The following CISD3 variants were observed in gnomAD, a reference collection of about 807,000 sequenced individuals.
The protein encoded by CISD3 is CDGSH iron sulfur domain 3.
Under a neutral mutation model 14.1 loss-of-function variants are expected in CISD3, and 11 were observed. The observed-to-expected ratio is 0.78, with a 90% CI of 0.49 to 1.29. The LOEUF is 1.29. CISD3 is among the 50% of genes most tolerant of loss of function. CISD3 has a pLI of 0.00. For synonymous variants in CISD3, 53 were observed against 69.2 expected, an observed-to-expected ratio of 0.77 and a Z score of 1.16; for missense variants, 156 against 171.6, an observed-to-expected ratio of 0.91 and a Z score of 0.51.
chr17:38,730,510 C>A, intron 1 of CISD3, 104 bp downstream of exon 1: 1 of 1,032,652 alleles, frequency 9.7e-7, no homozygotes, highest in Non-Finnish European at 1.4e-6. Flanking sequence ...GAGCTCCCGG[C>A]CCGTCCCGCC....
chr17:38,735,195 G>A lies in CISD3; in HGVS notation c.*1740G>A, dbSNP rs1359982196. The A allele has an allele frequency of 2.2e-6, 3 of 1,375,776 alleles. No individual in the cohort carries two copies. The highest frequency in any genetic ancestry group is 2.8e-6 in the Non-Finnish European group (3 of 1,054,194). 85.2% of individuals were successfully genotyped at this position (1,375,776 alleles called of 1,614,324 possible). A position where few individuals can be genotyped will look rare whatever the true frequency, so the allele number is the denominator to read the frequency against. ...AAAGTGGAAGGAGTGGAGAGGCTTG[G>A]CTGGAAGAAGGGAGAGGGTCCCTGG... On this transcript the variant is annotated 3_prime_UTR_variant, in exon 4 of 4. Transcript: ENST00000613478.
Position 38,735,496 on chromosome 17 carries a change from G to A in CISD3, c.*2041G>A, listed in dbSNP as rs746398641. 27 of 1,593,522 alleles carry A rather than the reference G, an allele frequency of 1.7e-5. No individual in the cohort carries two copies. The highest frequency in any genetic ancestry group is 6.8e-5 in the South Asian group (6 of 88,030). On this transcript the variant is annotated 3_prime_UTR_variant, in exon 4 of 4. Transcript: ENST00000613478. Reference sequence around the variant, plus strand: ...CCTTGTCGCTGACTGACTCACACTCGGACGCCCCGCTGGTGTTGGTGCCCT... The same window carrying A: ...CCTTGTCGCTGACTGACTCACACTCAGACGCCCCGCTGGTGTTGGTGCCCT...
chr17:38,730,420 C>A lies in CISD3; in HGVS notation c.48+14C>A. The A allele has an allele frequency of 7.7e-7, 1 of 1,290,678 alleles. No individual in the cohort carries two copies. Among genetic ancestry groups the A allele is most frequent in the Non-Finnish European group, 9.8e-7 (1 of 1,018,350 alleles). The allele number at this position is 1,290,678 out of a possible 1,614,324, so 80.0% of individuals were successfully genotyped here. The stretch of plus-strand genomic sequence containing the variant: ...CGTGGTGCCCGGGTGAGCACCCCCG[C>A]CCTGCACCAGCCCCCGTCCCGAACC... On this transcript the variant is annotated intron_variant, in intron 1 of 3. Transcript: ENST00000613478.
In CISD3 at chr17:38,733,375, G is replaced by A. The variant is rs1312281724; in HGVS notation, c.304G>A (p.Ala102Thr). ...TRMVALCTCK[A>T]TQRPPYCDGT... ...CATGGTGGCACTCTGTACCTGCAAG[G>A]CCACTCAGAGGCCCCCGTACTGCGA... Residue 102 changes from alanine to threonine, a missense_variant, in exon 4 of 4, where the codon GCC becomes ACC. Transcript: ENST00000613478. The A allele has an allele frequency of 6.4e-7, 1 of 1,551,684 alleles. No homozygotes were observed. Among genetic ancestry groups the A allele is most frequent in the Non-Finnish European group, 8.7e-7 (1 of 1,146,978 alleles).
Position 38,730,384 on chromosome 17 carries a change from G to C in CISD3, c.26G>C (p.Arg9Pro). 8.3e-7 allele frequency: 1 copy of C among 1,202,430 alleles called. No homozygotes were observed. Among genetic ancestry groups the C allele is most frequent in the Non-Finnish European group, 1.0e-6 (1 of 969,066 alleles). The allele number at this position is 1,202,430 out of a possible 1,614,324, so 74.5% of individuals were successfully genotyped here. MRGAGAILRPAARGARDLN... is the reference protein window; with the variant it reads MRGAGAILPPAARGARDLN... ...ATGCGCGGCGCGGGGGCGATCCTGCGGCCGGCGGCGCGTGGTGCCCGGGTG... is the reference window on the plus strand; with the variant it reads ...ATGCGCGGCGCGGGGGCGATCCTGCCGCCGGCGGCGCGTGGTGCCCGGGTG... The change falls in exon 1 of 4, where the codon CGG becomes CCG. Residue 9 changes from arginine to proline, a missense_variant. Physicochemically the swap from Arg to Pro is moderately radical, Grantham distance 103. Coordinates refer to ENST00000613478, the MANE Select transcript of CISD3 (RefSeq NM_001136498.2).
At position 38,732,675 on chromosome 17, in the gene CISD3, A is replaced by G. The variant is rs149946620; in HGVS notation, c.205-601A>G. On this transcript the variant is annotated intron_variant, in intron 3 of 3. Transcript: ENST00000613478. The stretch of plus-strand genomic sequence containing the variant: ...GGCACCAGCTCTGCCTTCAGCTAGC[A>G]AGGCATGTCACCTTTCTGGGCCTGT... 1.4e-3 allele frequency among the ~76,000 whole-genome samples: 209 copies of G among 152,124 alleles called. 1 individual carries two copies. Among genetic ancestry groups the G allele is most frequent in the South Asian group, 2.3e-3 (11 of 4,824 alleles).
At chr17:38,733,126 TAAGAG>T in intron 3 of CISD3, 145 bp from the exon 4 acceptor site, 1 of 657,830 alleles carries the variant, frequency 1.5e-6, no homozygotes, top group South Asian at 1.9e-5. Flanking sequence ...ACATTACAGA[TAAGAG>T]AGGTCACTCA....
At chr17:38,731,019 C>T in intron 2 of CISD3, 4 of 636,218 alleles carry the variant, frequency 6.3e-6, no homozygotes, top group Non-Finnish European at 1.1e-5. Flanking sequence ...GTGGGTGGCC[C>T]TGCCGTAGGC....
rs1393892357 is a variant in CISD3, at chr17:38,735,463, G to A, written c.*2008G>A. The stretch of plus-strand genomic sequence containing the variant: ...AGGAGGTGGCTGGCAGGGTGGCAGG[G>A]CTGGGAGCCTTGTCGCTGACTGACT... On this transcript the variant is annotated 3_prime_UTR_variant, in exon 4 of 4. Transcript: ENST00000613478. The A allele has an allele frequency of 1.3e-6, 2 of 1,589,998 alleles. No homozygotes were observed. Among genetic ancestry groups the A allele is most frequent in the Non-Finnish European group, 8.6e-7 (1 of 1,168,228 alleles).
rs1906518726 is a variant in CISD3, at chr17:38,734,519, A to C, written c.*1064A>C. 1 of 130,276 alleles carries C rather than the reference A, an allele frequency of 7.7e-6. No individual in the cohort carries two copies. The highest frequency in any genetic ancestry group is 3.0e-5 in the African/African-American group (1 of 32,886). 8.1% of individuals were successfully genotyped at this position (130,276 alleles called of 1,614,324 possible). On this transcript the variant is annotated 3_prime_UTR_variant, in exon 4 of 4. Coordinates refer to ENST00000613478, the MANE Select transcript of CISD3 (RefSeq NM_001136498.2). ...ACAAGATAAATGATGCAAAGGCCAC[A>C]CACACAGGAAAAAAAAAAAAAGAGG...
At position 38,735,241 on chromosome 17, in the gene CISD3, G is replaced by A. The variant is rs112908318; in HGVS notation, c.*1786G>A. 1.0e-4 allele frequency: 146 copies of A among 1,442,892 alleles called. 2 individuals carry two copies. The Middle Eastern group carries it at 3.3e-3, about 33-fold the overall frequency. The allele number at this position is 1,442,892 out of a possible 1,614,324, so 89.4% of individuals were successfully genotyped here. A position where few individuals can be genotyped will look rare whatever the true frequency, so the allele number is the denominator to read the frequency against. ...CCTGGCCTCAAGTTAAGGGGGGCAC[G>A]GGAGCGCCGTTGACAGTCATCTTGC... On this transcript the variant is annotated 3_prime_UTR_variant, in exon 4 of 4. Coordinates refer to ENST00000613478, the MANE Select transcript of CISD3 (RefSeq NM_001136498.2).
intron 3 of CISD3, among the ~76,000 whole-genome samples, chr17:38,732,106 G>A (rs1906359998): frequency 6.6e-6 from 1 of 152,130 alleles, no homozygotes; most frequent in Non-Finnish European, 1.5e-5. Context: ...CTTCTGCCCA[G>A]GAGCCTTTCG....
chr17:38,735,267 GC>G lies in CISD3; in HGVS notation c.*1817del, dbSNP rs1329541741. On this transcript the variant is annotated 3_prime_UTR_variant, in exon 4 of 4. Transcript: ENST00000613478. The stretch of plus-strand genomic sequence containing the variant: ...GGAGCGCCGTTGACAGTCATCTTGC[GC>G]CCCCTGCTGGTGGAGGATGGTGTCT... 5 of 1,466,676 alleles carry G rather than the reference GC, an allele frequency of 3.4e-6. No individual in the cohort carries two copies. Among genetic ancestry groups the G allele is most frequent in the Non-Finnish European group, 4.6e-6 (5 of 1,098,578 alleles). 90.9% of individuals were successfully genotyped at this position (1,466,676 alleles called of 1,614,324 possible).
At chr17:38,730,630 C>T (rs1468321580) in intron 1 of CISD3, 130 bp from the exon 2 acceptor site, 1 of 961,900 alleles carries the variant, frequency 1.0e-6, no homozygotes, top group East Asian at 2.6e-5. Context: ...CTCATTCCTC[C>T]CTCGCCCCTT....
At chr17:38,730,990 T>A (rs998444590) in intron 2 of CISD3, 195 bp downstream of exon 2, 25 of 653,352 alleles carry the variant, frequency 3.8e-5, no homozygotes, top group Non-Finnish European at 6.3e-5. Flanking sequence ...CAGCAGCACC[T>A]AATGAACCAA....
rs1906550067 is a variant in CISD3 at position 38,734,840 on chromosome 17, A to C, written c.*1385A>C. On this transcript the variant is annotated 3_prime_UTR_variant, in exon 4 of 4. Coordinates refer to ENST00000613478, the MANE Select transcript of CISD3 (RefSeq NM_001136498.2). ...TTGGGTCTGAAGGGGCCCCCAACACACCACCTGCCTTGGGAAACAGCGAGG... is the reference window on the plus strand; with the variant it reads ...TTGGGTCTGAAGGGGCCCCCAACACCCCACCTGCCTTGGGAAACAGCGAGG... 1 of 163,424 alleles carries C rather than the reference A, an allele frequency of 6.1e-6. No homozygotes were observed. Among genetic ancestry groups the C allele is most frequent in the South Asian group, 2.0e-4 (1 of 4,928 alleles). The allele number at this position is 163,424 out of a possible 1,614,324, so 10.1% of individuals were successfully genotyped here. A position where few individuals can be genotyped will look rare whatever the true frequency, so the allele number is the denominator to read the frequency against.
rs1275609692 is a variant in CISD3, at chr17:38,734,222, T to G, written c.*767T>G. 1 of 152,542 alleles carries G rather than the reference T, an allele frequency of 6.6e-6. No individual in the cohort carries two copies. Among genetic ancestry groups the G allele is most frequent in the Non-Finnish European group, 1.5e-5 (1 of 68,118 alleles). 9.4% of individuals were successfully genotyped at this position (152,542 alleles called of 1,614,324 possible). ...GTCTTCTTGTGCTTTTAGATGCAGT[T>G]GCTCTGTCCTGACCAGGTGACCGGG... On this transcript the variant is annotated 3_prime_UTR_variant, in exon 4 of 4. Coordinates refer to ENST00000613478, the MANE Select transcript of CISD3 (RefSeq NM_001136498.2).
chr17:38,733,052 C>T (rs536302399), intron 3 of CISD3, among the ~76,000 whole-genome samples: 2 of 152,156 alleles, frequency 1.3e-5, no homozygotes, highest in African/African-American at 4.8e-5. Flanking sequence ...CAGACACTTA[C>T]TATAGGCAAA....
At position 38,734,954 on chromosome 17, in the gene CISD3, C is replaced by A. The variant is rs1455863998; in HGVS notation, c.*1499C>A. 1.3e-5 allele frequency: 4 copies of A among 298,836 alleles called. No individual in the cohort carries two copies. Among genetic ancestry groups the A allele is most frequent in the East Asian group, 5.4e-5 (1 of 18,376 alleles). 18.5% of individuals were successfully genotyped at this position (298,836 alleles called of 1,614,324 possible). Reference sequence around the variant, plus strand: ...ACAGCAAATTACACAAGACCCCCCCCAAAAAAAATGAACACCATTTTCCAC... The same window carrying A: ...ACAGCAAATTACACAAGACCCCCCCAAAAAAAAATGAACACCATTTTCCAC... On this transcript the variant is annotated 3_prime_UTR_variant, in exon 4 of 4. Transcript: ENST00000613478.
Sources: allele counts gnomAD v4.1 joint callset (sites outside exome capture counted in the v4.1 genomes callset), GRCh38; gene constraint gnomAD v4.1.1; transcripts MANE v1.5; gene names NCBI Gene and HGNC (gene_info 2026-07-23, HGNC 2026-07-21).